Variants in PDLIM5 observed in about 807,000 individuals in gnomAD.
The protein encoded by PDLIM5 is PDZ and LIM domain protein 5.
PDLIM5 carries 34 observed loss-of-function variants against 64.2 expected under a neutral mutation model. The observed-to-expected ratio is 0.53, with a 90% CI of 0.40 to 0.71. The LOEUF (loss-of-function observed/expected upper bound fraction) is 0.71, where lower values mean the gene tolerates loss of function less well. Ranked by LOEUF, PDLIM5 falls within the 30% of genes least tolerant of loss-of-function variation. The probability of loss-of-function intolerance (pLI) is 0.00; values close to 1 mark genes in which losing one functional copy is unlikely to be tolerated. For missense variants in PDLIM5, 683 were observed against 733.6 expected, an observed-to-expected ratio of 0.93 and a Z score of 0.80; for synonymous variants, 253 against 269.1, an observed-to-expected ratio of 0.94 and a Z score of 0.59.
intron 8 of PDLIM5, among the ~76,000 whole-genome samples, chr4:94,626,152 A>C (rs1739678037): frequency 6.6e-6 from 1 of 152,170 alleles, no homozygotes; most frequent in African/African-American, 2.4e-5. Context: ...GTTGTACCCC[A>C]TCTGAGGAGT....
At chr4:94,550,476 A>G (rs1295146048) in intron 3 of PDLIM5, among the ~76,000 whole-genome samples, 3 of 152,238 alleles carry the variant, frequency 2.0e-5, no homozygotes, top group African/African-American at 7.2e-5. Context: ...ACACACTGAA[A>G]GATGCAAGCA....
chr4:94,663,546 G>T (rs898565733), intron 12 of PDLIM5, among the ~76,000 whole-genome samples: 11 of 152,154 alleles, frequency 7.2e-5, no homozygotes, highest in Admixed American at 6.5e-5. Context: ...GGTATTCTGT[G>T]CCTGTGTAAC....
At chr4:94,622,859 C>T (rs369377448) in intron 8 of PDLIM5, among the ~76,000 whole-genome samples, 17 of 152,106 alleles carry the variant, frequency 1.1e-4, no homozygotes, top group Admixed American at 2.0e-4. Flanking sequence ...TTAATAGAGA[C>T]GGGGTTTCAC....
At chr4:94,523,960 G>C (rs1234562878) in intron 3 of PDLIM5, 85 bp downstream of exon 3, 7 of 917,358 alleles carry the variant, frequency 7.6e-6, no homozygotes, top group Admixed American at 2.2e-5. Context: ...TGTTAACTAA[G>C]ACTCAGTTTC....
At chr4:94,494,432 G>GTTTTTTTTTTTTTT (rs61675663) in intron 2 of PDLIM5, among the ~76,000 whole-genome samples, 111 of 70,768 alleles carry the variant, frequency 1.6e-3, no homozygotes, top group Non-Finnish European at 2.2e-3. Flanking sequence ...TTTTTTTCTT[G>GTTTTTTTTTTTTTT]TTTTTTTTTT....
chr4:94,631,222 A>G (rs76888948), intron 8 of PDLIM5, among the ~76,000 whole-genome samples: 4 of 152,168 alleles, frequency 2.6e-5, no homozygotes, highest in South Asian at 4.2e-4. Flanking sequence ...TTCTAAAGCA[A>G]TTTATGTAAA....
intron 6 of PDLIM5, 45 bp from the exon 7 acceptor site, chr4:94,586,363 T>C (rs1456505203): frequency 1.8e-6 from 2 of 1,086,284 alleles, no homozygotes; most frequent in African/African-American, 3.1e-5. Flanking sequence ...GATTTTGAAG[T>C]TAAACAAAAC....
At chr4:94,598,464 T>C (rs1435643482) in intron 7 of PDLIM5, among the ~76,000 whole-genome samples, 4 of 152,142 alleles carry the variant, frequency 2.6e-5, no homozygotes, top group Non-Finnish European at 5.9e-5. Flanking sequence ...ATATGAGTAG[T>C]TGATATTAGA....
chr4:94,567,116 C>A lies in PDLIM5; in HGVS notation c.249-6235C>A, dbSNP rs564988641. On this transcript the variant is annotated intron_variant, in intron 3 of 12. Coordinates refer to ENST00000317968, the MANE Select transcript of PDLIM5 (RefSeq NM_006457.5). ...CACGCTGTTCTCCTGCTTCAGCCTC[C>A]CGAGTAGCTGGGACTACAGGCGCCC... 1.3e-4 allele frequency among the ~76,000 whole-genome samples: 20 copies of A among 152,326 alleles called. No homozygotes were observed. The South Asian group carries it at 4.1e-3, about 32-fold the overall frequency.
intron 2 of PDLIM5, among the ~76,000 whole-genome samples, chr4:94,523,048 CAT>C (rs1729969076): frequency 6.6e-6 from 1 of 152,226 alleles, no homozygotes; most frequent in African/African-American, 2.4e-5. Context: ...AATGTAAACA[CAT>C]AGAAGATTTT....
chr4:94,593,707 T>C (rs780020312), intron 7 of PDLIM5, among the ~76,000 whole-genome samples: 2 of 152,190 alleles, frequency 1.3e-5, no homozygotes, highest in Non-Finnish European at 2.9e-5. Context: ...AACATATGAA[T>C]AATGGAGGGA....
At chr4:94,538,254 G>A (rs1731483597) in intron 3 of PDLIM5, among the ~76,000 whole-genome samples, 1 of 151,904 alleles carries the variant, frequency 6.6e-6, no homozygotes, top group Admixed American at 6.6e-5. Flanking sequence ...CTGTGAAACA[G>A]TTTTTTAGTT....
intron 3 of PDLIM5, among the ~76,000 whole-genome samples, chr4:94,543,138 T>G (rs1415048975): frequency 1.3e-5 from 2 of 152,174 alleles, no homozygotes; most frequent in Non-Finnish European, 2.9e-5. Flanking sequence ...ACTGTATAAA[T>G]TACCACAAAC....
At chr4:94,583,124 A>G (rs934078641) in intron 5 of PDLIM5, 1 of 154,580 alleles carries the variant, frequency 6.5e-6, no homozygotes, top group Non-Finnish European at 1.4e-5. Flanking sequence ...TGCATTTTTT[A>G]AAATAAAATT....
chr4:94,453,341 T>C (rs527309124), intron 1 of PDLIM5, among the ~76,000 whole-genome samples: 25 of 152,286 alleles, frequency 1.6e-4, no homozygotes, highest in African/African-American at 5.5e-4. Flanking sequence ...CAAATGAAGC[T>C]AGCAGAAGAA....
At chr4:94,523,023 G>T (rs546174798) in intron 2 of PDLIM5, among the ~76,000 whole-genome samples, 1 of 152,272 alleles carries the variant, frequency 6.6e-6, no homozygotes, top group South Asian at 2.1e-4. Flanking sequence ...AAATTTGAAG[G>T]AGATCAGACT....
rs543891804 is a variant in PDLIM5 at position 94,520,496 on chromosome 4, CTT to C, written c.97-3226_97-3225del. 2.1e-3 allele frequency among the ~76,000 whole-genome samples: 319 copies of C among 152,236 alleles called. 2 individuals are homozygous for C. The highest frequency in any genetic ancestry group is 6.9e-3 in the African/African-American group (288 of 41,548). On this transcript the variant is annotated intron_variant, in intron 2 of 12. Coordinates refer to ENST00000317968, the MANE Select transcript of PDLIM5 (RefSeq NM_006457.5). The stretch of plus-strand genomic sequence containing the variant: ...AAAGAGCTATGCAAATGATGAATGA[CTT>C]TGTAGTCTTTCCTTGGCTGCTTAGA...
intron 9 of PDLIM5, among the ~76,000 whole-genome samples, chr4:94,643,470 A>G (rs896864589): frequency 2.0e-5 from 3 of 152,106 alleles, no homozygotes; most frequent in African/African-American, 7.2e-5. Flanking sequence ...CCAAAATCAT[A>G]TTTCAGTTTC....
At chr4:94,458,700 C>T (rs1723596743) in intron 2 of PDLIM5, among the ~76,000 whole-genome samples, 1 of 152,124 alleles carries the variant, frequency 6.6e-6, no homozygotes, top group African/African-American at 2.4e-5. Context: ...AAGCCACTAG[C>T]AGGGACTTGA....
Sources: gnomAD v4.1 joint callset for allele counts (sites outside exome capture counted in the v4.1 genomes callset) on GRCh38, gnomAD v4.1.1 for gene constraint, MANE v1.5 for transcripts, NCBI Gene and HGNC (gene_info 2026-07-23, HGNC 2026-07-21) for gene names.